Variants in SEMA3E observed in about 807,000 individuals in gnomAD.
SEMA3E encodes semaphorin 3E.
In SEMA3E, 49 loss-of-function variants were observed where a neutral mutation model predicts 93.6. That is an observed-to-expected ratio of 0.52 (90% CI 0.42 to 0.66). SEMA3E has a LOEUF of 0.66. Among genes scored for constraint, SEMA3E ranks in the 30% least tolerant of loss-of-function variants. SEMA3E has a pLI of 0.00. For synonymous variants in SEMA3E, 363 were observed against 330.7 expected (o/e 1.10, Z -1.06); for missense variants, 906 against 964.8 (o/e 0.94, Z 0.81).
At chr7:83,465,667 C>T (rs1338563665) in intron 4 of SEMA3E, among the ~76,000 whole-genome samples, 2 of 152,188 alleles carry the variant, frequency 1.3e-5, no homozygotes, top group South Asian at 2.1e-4. Context: ...ATCTAGAACT[C>T]GATTTTATCT....
chr7:83,363,859 C>CTTT lies in SEMA3E; in HGVS notation c.*3726_*3727insAAA, dbSNP rs1562743425. The CTTT allele has an allele frequency of 5.0e-5, 5 of 100,558 alleles. No homozygotes were observed. The highest frequency in any genetic ancestry group is 1.9e-4 in the African/African-American group (4 of 21,430). The allele number at this position is 100,558 out of a possible 1,614,324, so 6.2% of individuals were successfully genotyped here. A position where few individuals can be genotyped will look rare whatever the true frequency, so the allele number is the denominator to read the frequency against. On this transcript the variant is annotated 3_prime_UTR_variant, in exon 17 of 17. Transcript: ENST00000643230. ...AGGCTACAGGTGTCACAGGTCAATT[C>CTTT]ATTTTTTTTTTTTTTTTTTTTTTTT...
intron 2 of SEMA3E, among the ~76,000 whole-genome samples, chr7:83,477,832 A>G (rs572007069): frequency 2.8e-4 from 43 of 152,314 alleles, no homozygotes; most frequent in Non-Finnish European, 5.4e-4. Flanking sequence ...AATAAAGTTG[A>G]ATAAATGAGA....
At chr7:83,505,166 C>T (rs1052024150) in intron 1 of SEMA3E, among the ~76,000 whole-genome samples, 1 of 152,040 alleles carries the variant, frequency 6.6e-6, no homozygotes, top group African/African-American at 2.4e-5. Flanking sequence ...CATAGATAAC[C>T]TTTGGGGGTA....
intron 1 of SEMA3E, among the ~76,000 whole-genome samples, chr7:83,643,353 A>T (rs1174741659): frequency 2.0e-5 from 3 of 152,094 alleles, no homozygotes; most frequent in Non-Finnish European, 4.4e-5. Context: ...TATTATGTAT[A>T]GAATACTTCC....
chr7:83,566,163 ATTTT>A (rs1231214789), intron 1 of SEMA3E, among the ~76,000 whole-genome samples: 2 of 128,690 alleles, frequency 1.6e-5, no homozygotes, highest in East Asian at 2.2e-4. Flanking sequence ...ACACCTGGCT[ATTTT>A]TTTTTTTTTT....
intron 5 of SEMA3E, among the ~76,000 whole-genome samples, chr7:83,415,389 G>A (rs1442757002): frequency 6.6e-6 from 1 of 152,010 alleles, no homozygotes; most frequent in African/African-American, 2.4e-5. Flanking sequence ...CTACAAAGAC[G>A]CATTGGAAGA....
At chr7:83,486,485 C>G (rs1450222744) in intron 2 of SEMA3E, among the ~76,000 whole-genome samples, 3 of 152,110 alleles carry the variant, frequency 2.0e-5, no homozygotes, top group African/African-American at 7.2e-5. Context: ...AGGAGGAGAG[C>G]TGGGCCCCAA....
chr7:83,601,175 G>A lies in SEMA3E; in HGVS notation c.115+47253C>T, dbSNP rs866257297. ...GGATTATCCCTAGATCTTCTAGAAGGGACACAGACCTAACAACCCACTTAA... is the reference window on the plus strand; with the variant it reads ...GGATTATCCCTAGATCTTCTAGAAGAGACACAGACCTAACAACCCACTTAA... On this transcript the variant is annotated intron_variant, in intron 1 of 16. Coordinates refer to ENST00000643230, the MANE Select transcript of SEMA3E (RefSeq NM_012431.3). Among the ~76,000 whole-genome samples the A allele has an allele frequency of 2.8e-4, 42 of 152,216 alleles. No individual in the cohort carries two copies. In the Middle Eastern group the frequency reaches 0.017, roughly 62 times the overall value.
intron 1 of SEMA3E, among the ~76,000 whole-genome samples, chr7:83,563,464 C>T (rs1335969790): frequency 6.6e-6 from 1 of 152,184 alleles, no homozygotes; most frequent in Non-Finnish European, 1.5e-5. Flanking sequence ...ATGCCTCTCA[C>T]AGGTGGTCTC....
At chr7:83,427,277 G>C (rs997426389) in intron 4 of SEMA3E, among the ~76,000 whole-genome samples, 1 of 148,964 alleles carries the variant, frequency 6.7e-6, no homozygotes, top group Non-Finnish European at 1.5e-5. Flanking sequence ...CAAAACCTGA[G>C]CTTTTCATTT....
intron 1 of SEMA3E, among the ~76,000 whole-genome samples, chr7:83,548,338 A>G (rs1397753020): frequency 2.0e-5 from 3 of 152,148 alleles, no homozygotes; most frequent in Non-Finnish European, 2.9e-5. Flanking sequence ...AAGTCAAGGT[A>G]TAAAGATCTG....
chr7:83,447,676 G>C (rs1789262505), intron 4 of SEMA3E, among the ~76,000 whole-genome samples: 1 of 152,208 alleles, frequency 6.6e-6, no homozygotes, highest in Non-Finnish European at 1.5e-5. Context: ...TTTAGCAAGA[G>C]AGATAGAAAC....
At chr7:83,563,479 C>A (rs1170897994) in intron 1 of SEMA3E, among the ~76,000 whole-genome samples, 1 of 152,084 alleles carries the variant, frequency 6.6e-6, no homozygotes, top group East Asian at 1.9e-4. Context: ...GGTCTCTGGA[C>A]CAGCAACAGC....
intron 1 of SEMA3E, among the ~76,000 whole-genome samples, chr7:83,632,019 G>A (rs1456202236): frequency 6.6e-6 from 1 of 152,066 alleles, no homozygotes; most frequent in East Asian, 1.9e-4. Flanking sequence ...GCCGGGCATG[G>A]TGGTACGTGC....
intron 1 of SEMA3E, among the ~76,000 whole-genome samples, chr7:83,578,491 G>A (rs566009823): frequency 1.3e-5 from 2 of 152,156 alleles, no homozygotes; most frequent in African/African-American, 4.8e-5. Flanking sequence ...AGGAGGCGGA[G>A]GTTGCAGTGA....
At chr7:83,616,770 G>C (rs1218769418) in intron 1 of SEMA3E, 2 of 446,428 alleles carry the variant, frequency 4.5e-6, no homozygotes, top group East Asian at 7.1e-5. Flanking sequence ...TGTTGCCCAG[G>C]CTGCAGTGCA....
In SEMA3E at chr7:83,402,559, A is replaced by G. The variant is rs530764121; in HGVS notation, c.1143+73T>C. 18 of 1,392,812 alleles carry G rather than the reference A, an allele frequency of 1.3e-5. No homozygotes were observed. In the East Asian group the frequency reaches 3.8e-4, roughly 29 times the overall value. 86.3% of individuals were successfully genotyped at this position (1,392,812 alleles called of 1,614,324 possible). On this transcript the variant is annotated intron_variant, in intron 10 of 16. Coordinates refer to ENST00000643230, the MANE Select transcript of SEMA3E (RefSeq NM_012431.3). ...CTTAATTGTTTATCTGCAAAGTCTTATGAAACAGTGAACAAAATATTACCA... is the reference window on the plus strand; with the variant it reads ...CTTAATTGTTTATCTGCAAAGTCTTGTGAAACAGTGAACAAAATATTACCA...
chr7:83,530,706 A>G (rs976954042), intron 1 of SEMA3E, among the ~76,000 whole-genome samples: 1 of 152,108 alleles, frequency 6.6e-6, no homozygotes, highest in African/African-American at 2.4e-5. Context: ...GTGAAACCCC[A>G]TCTCTACTAA....
rs761564715 is a variant in SEMA3E, at chr7:83,416,281, G to A, written c.550+2109C>T. On this transcript the variant is annotated intron_variant, in intron 5 of 16. Coordinates refer to ENST00000643230, the MANE Select transcript of SEMA3E (RefSeq NM_012431.3). ...GGCTCCTTTGATTTGATTTCTCTTC[G>A]AAATAAGCGAAACAGCCACCCAGAT... Among the ~76,000 whole-genome samples the A allele has an allele frequency of 6.3e-4, 96 of 151,842 alleles. 2 individuals are homozygous for A. Among genetic ancestry groups the A allele is most frequent in the Non-Finnish European group, 1.1e-3 (73 of 67,954 alleles).
Sources: allele counts gnomAD v4.1 joint callset (sites outside exome capture counted in the v4.1 genomes callset), GRCh38; gene constraint gnomAD v4.1.1; transcripts MANE v1.5; gene names NCBI Gene and HGNC (gene_info 2026-07-23, HGNC 2026-07-21).